SGCZ: variants seen among roughly 807,000 people sequenced by gnomAD.
SGCZ encodes the protein zeta-sarcoglycan.
SGCZ carries 40 observed loss-of-function variants against 41.3 expected under a neutral mutation model. The observed-to-expected ratio is 0.97, with a 90% CI of 0.75 to 1.26. The LOEUF is 1.26. SGCZ is among the 50% of genes most tolerant of loss of function. The pLI is 0.00. For synonymous variants in SGCZ, 206 were observed against 137.5 expected (o/e 1.50, Z -3.49); for missense variants, 552 against 369.8 (o/e 1.49, Z -4.04).
At chr8:14,712,693 C>T (rs190542115) in intron 1 of SGCZ, among the ~76,000 whole-genome samples, 192 of 152,234 alleles carry the variant, frequency 1.3e-3, no homozygotes, top group African/African-American at 4.5e-3. Flanking sequence ...GGCCATAAAA[C>T]GGTCTAATGT....
chr8:14,100,305 A>G (rs1390933444), intron 7 of SGCZ, among the ~76,000 whole-genome samples: 2 of 151,508 alleles, frequency 1.3e-5, no homozygotes, highest in African/African-American at 4.8e-5. Flanking sequence ...ATAAATGAAT[A>G]AAAGAACATA....
chr8:14,246,955 C>T (rs537899892), intron 3 of SGCZ, among the ~76,000 whole-genome samples: 6 of 148,528 alleles, frequency 4.0e-5, no homozygotes, highest in Non-Finnish European at 6.0e-5. Flanking sequence ...ATTTGAAATT[C>T]ATTTCCTTCA....
Position 14,558,001 on chromosome 8 carries a change from C to T in SGCZ, c.40-3075G>A, listed in dbSNP as rs536658100. Among the ~76,000 whole-genome samples, 140 of 152,166 alleles carry T rather than the reference C, an allele frequency of 9.2e-4. 1 individual carries two copies. Among genetic ancestry groups the T allele is most frequent in the African/African-American group, 2.9e-3 (121 of 41,534 alleles). On this transcript the variant is annotated intron_variant, in intron 1 of 7. Transcript: ENST00000382080. ...ATGGGAGACAATACACCTGACATCACAGAAATACAGAAGATCATTTAAGGC... is the reference window on the plus strand; with the variant it reads ...ATGGGAGACAATACACCTGACATCATAGAAATACAGAAGATCATTTAAGGC...
At chr8:14,639,947 C>T (rs1446043059) in intron 1 of SGCZ, among the ~76,000 whole-genome samples, 4 of 151,648 alleles carry the variant, frequency 2.6e-5, no homozygotes, top group African/African-American at 9.7e-5. Context: ...AAATGACAGA[C>T]AGTAGTTACT....
At chr8:15,199,003 A>C (rs1585665758) in intron 1 of SGCZ, among the ~76,000 whole-genome samples, 1 of 152,346 alleles carries the variant, frequency 6.6e-6, no homozygotes, top group Middle Eastern at 3.4e-3. Context: ...TTTATCTTGT[A>C]AATTCTACCA....
intron 1 of SGCZ, among the ~76,000 whole-genome samples, chr8:14,587,332 C>T (rs917349139): frequency 2.0e-5 from 3 of 149,174 alleles, no homozygotes; most frequent in South Asian, 2.1e-4. Context: ...ATGCGTTCCA[C>T]GAATGTGTTA....
chr8:14,504,482 A>T (rs189948787), intron 2 of SGCZ, among the ~76,000 whole-genome samples: 18 of 152,054 alleles, frequency 1.2e-4, no homozygotes, highest in African/African-American at 4.1e-4. Context: ...GCTTCACTCT[A>T]TTGGTTTCTT....
At chr8:14,133,808 C>G (rs777826161) in intron 5 of SGCZ, among the ~76,000 whole-genome samples, 2 of 152,014 alleles carry the variant, frequency 1.3e-5, no homozygotes, top group African/African-American at 4.8e-5. Context: ...TCCATCATTT[C>G]GCTCATATTA....
At chr8:14,176,804 C>T (rs1354786799) in intron 4 of SGCZ, among the ~76,000 whole-genome samples, 1 of 152,116 alleles carries the variant, frequency 6.6e-6, no homozygotes, top group Non-Finnish European at 1.5e-5. Flanking sequence ...TGTCTCATTG[C>T]TAAACCATAG....
chr8:14,281,583 T>C (rs1055528101), intron 3 of SGCZ, among the ~76,000 whole-genome samples: 52 of 152,044 alleles, frequency 3.4e-4, no homozygotes, highest in African/African-American at 1.0e-3. Flanking sequence ...ATAGACCATC[T>C]AGTGATAAAA....
intron 5 of SGCZ, among the ~76,000 whole-genome samples, chr8:14,109,550 T>C (rs926644144): frequency 6.6e-6 from 1 of 152,180 alleles, no homozygotes; most frequent in Non-Finnish European, 1.5e-5. Flanking sequence ...CTATACAATG[T>C]AATTTAAAAA....
Position 14,838,799 on chromosome 8 carries a change from T to C in SGCZ, c.40-283873A>G, listed in dbSNP as rs182086137. ...ATCTTTTCGTGGAGCTGCATCTGAC[T>C]GATCATCACATAAAAGAACACAAAA... is the stretch of plus-strand genomic sequence containing the variant. On this transcript the variant is annotated intron_variant, in intron 1 of 7. Coordinates refer to ENST00000382080, the MANE Select transcript of SGCZ (RefSeq NM_139167.4). 5.1e-4 allele frequency among the ~76,000 whole-genome samples: 77 copies of C among 152,300 alleles called. No individual in the cohort carries two copies. The East Asian group carries it at 0.014, about 27-fold the overall frequency.
intron 5 of SGCZ, among the ~76,000 whole-genome samples, chr8:14,160,039 C>G (rs962657020): frequency 6.6e-6 from 1 of 152,104 alleles, no homozygotes; most frequent in Non-Finnish European, 1.5e-5. Context: ...CAAACAAACG[C>G]TAGGGCACTG....
intron 2 of SGCZ, among the ~76,000 whole-genome samples, chr8:14,522,262 A>T (rs528343254): frequency 2.0e-5 from 3 of 152,166 alleles, no homozygotes; most frequent in African/African-American, 7.2e-5. Flanking sequence ...TTTTGTTATC[A>T]GGTTAATAAT....
chr8:14,698,675 G>C (rs1057054865), intron 1 of SGCZ, among the ~76,000 whole-genome samples: 2 of 151,870 alleles, frequency 1.3e-5, no homozygotes, highest in African/African-American at 4.8e-5. Flanking sequence ...TCTAAATATA[G>C]CCAGATAAAC....
At chr8:14,682,823 T>A (rs1808493031) in intron 1 of SGCZ, among the ~76,000 whole-genome samples, 1 of 152,190 alleles carries the variant, frequency 6.6e-6, no homozygotes, top group Admixed American at 6.5e-5. Flanking sequence ...CCATTTGAAT[T>A]TCAGTGATCA....
chr8:14,395,797 G>C (rs939099713), intron 2 of SGCZ, among the ~76,000 whole-genome samples: 1 of 152,132 alleles, frequency 6.6e-6, no homozygotes, highest in Non-Finnish European at 1.5e-5. Flanking sequence ...GATCTGCAGG[G>C]GCAACCCAAA....
intron 1 of SGCZ, among the ~76,000 whole-genome samples, chr8:15,099,516 A>C (rs544100326): frequency 1.3e-5 from 2 of 152,178 alleles, no homozygotes; most frequent in Non-Finnish European, 2.9e-5. Context: ...TCACTGGTGA[A>C]ATCTATGAAA....
chr8:14,095,185 C>T (rs545407575), intron 7 of SGCZ, among the ~76,000 whole-genome samples: 26 of 152,182 alleles, frequency 1.7e-4, no homozygotes, highest in Admixed American at 1.6e-3. Flanking sequence ...GTGTTTTAAT[C>T]GTGAAGTCTT....
Sources: allele counts gnomAD v4.1 joint callset (sites outside exome capture counted in the v4.1 genomes callset), GRCh38; gene constraint gnomAD v4.1.1; transcripts MANE v1.5; gene names NCBI Gene and HGNC (gene_info 2026-07-23, HGNC 2026-07-21).